Variants in CAMSAP1 observed in about 807,000 individuals in gnomAD.
CAMSAP1 encodes the protein calmodulin regulated spectrin associated protein 1.
CAMSAP1 carries 58 observed loss-of-function variants against 143.5 expected under a neutral mutation model. The observed-to-expected ratio is 0.40, with a 90% CI of 0.33 to 0.50. CAMSAP1 has a LOEUF of 0.50. CAMSAP1 is among the 20% of genes least tolerant of loss of function. CAMSAP1 has a pLI of 0.45. For synonymous variants in CAMSAP1, 945 were observed against 859.3 expected (o/e 1.10, Z -1.74); for missense variants, 1,969 against 2,115.7 (o/e 0.93, Z 1.36).
At position 135,811,362 on chromosome 9, in the gene CAMSAP1, G is replaced by A; in HGVS notation, c.4756C>T (p.Leu1586=). Residue 1586 remains leucine, a synonymous_variant, in exon 17 of 17, where the codon CTG becomes TTG. Coordinates refer to ENST00000389532, the MANE Select transcript of CAMSAP1 (RefSeq NM_015447.4). This position sits in a 1 kb window ranked among gnomAD's most constrained non-coding sequence, Gnocchi z 4.9. Reference sequence around the variant, plus strand: ...ACTGCAGGCCGCTTGGGCTGCCACAGGTGGTTGTGGATTGTGAGTGCGTCC... The same window carrying A: ...ACTGCAGGCCGCTTGGGCTGCCACAAGTGGTTGTGGATTGTGAGTGCGTCC... ...SVDALTIHNH[L]WQPKRPAVPK... 2.5e-6 allele frequency: 4 copies of A among 1,613,128 alleles called. No individual in the cohort carries two copies. The highest frequency in any genetic ancestry group is 2.5e-6 in the Non-Finnish European group (3 of 1,179,530).
Position 135,822,795 on chromosome 9 carries a change from G to A in CAMSAP1, c.1866C>T (p.Ser622=). 1 of 1,613,962 alleles carries A rather than the reference G, an allele frequency of 6.2e-7. No homozygotes were observed. Among genetic ancestry groups the A allele is most frequent in the Non-Finnish European group, 8.5e-7 (1 of 1,179,886 alleles). ...EDERGEGRPR[S]IVSRRPSEGP... The stretch of plus-strand genomic sequence containing the variant: ...CCTCGCTGGGCCTCCTAGACACGAT[G>A]CTCCTCGGTCTCCCTTCCCCCCGTT... Residue 622 remains serine, a synonymous_variant, in exon 11 of 17, where the codon AGC becomes AGT. Coordinates refer to ENST00000389532, the MANE Select transcript of CAMSAP1 (RefSeq NM_015447.4). This position sits in a 1 kb window ranked among gnomAD's most constrained non-coding sequence, Gnocchi z 6.1.
intron 7 of CAMSAP1, among the ~76,000 whole-genome samples, chr9:135,838,378 C>T (rs576485462): frequency 6.7e-6 from 1 of 150,246 alleles, no homozygotes; most frequent in African/African-American, 2.4e-5. Flanking sequence ...TGTCATCACG[C>T]ACTTTCCACC....
At chr9:135,839,974 G>C (rs1445773064) in intron 7 of CAMSAP1, among the ~76,000 whole-genome samples, 2 of 152,194 alleles carry the variant, frequency 1.3e-5, no homozygotes, top group Non-Finnish European at 1.5e-5. Flanking sequence ...GAGGTAGGCA[G>C]GTATGGAGAC....
At chr9:135,846,882 C>T (rs1281269499) in intron 7 of CAMSAP1, among the ~76,000 whole-genome samples, 1 of 152,094 alleles carries the variant, frequency 6.6e-6, no homozygotes, top group African/African-American at 2.4e-5. Context: ...CAGGCAACAA[C>T]AGATGCTAGA....
intron 4 of CAMSAP1, chr9:135,865,117 C>T (rs747964068): frequency 7.9e-5 from 44 of 560,034 alleles, no homozygotes; most frequent in Non-Finnish European, 1.3e-4. Flanking sequence ...GGAAACTGGG[C>T]GAAATGTAAC....
intron 5 of CAMSAP1, among the ~76,000 whole-genome samples, chr9:135,854,512 G>T (rs528729290): frequency 1.8e-4 from 28 of 151,600 alleles, no homozygotes; most frequent in African/African-American, 6.3e-4. Flanking sequence ...CTGTCATCTG[G>T]AGTGCAGTGG....
chr9:135,815,163 G>C lies in CAMSAP1; in HGVS notation c.4440C>G (p.His1480Gln). The C allele has an allele frequency of 6.2e-7, 1 of 1,613,936 alleles. No homozygotes were observed. The highest frequency in any genetic ancestry group is 8.5e-7 in the Non-Finnish European group (1 of 1,179,866). The change falls in exon 16 of 17, where the codon CAC becomes CAG. Residue 1480 changes from histidine to glutamine, a missense_variant. Around this residue, in one of 4 missense-constraint regions of CAMSAP1, gnomAD observed 143 missense variants for 200.6 expected, o/e 0.71. Coordinates refer to ENST00000389532, the MANE Select transcript of CAMSAP1 (RefSeq NM_015447.4). ...PSSKSNKPII[H>Q]NAISHCCLAG... is the part of the protein sequence containing the mutation. ...CCAGGCAGCAATGGGATATGGCATT[G>C]TGAATAATCGGCTTGTTTGATTTAC...
At chr9:135,814,151 C>G (rs1385564315) in intron 16 of CAMSAP1, among the ~76,000 whole-genome samples, 1 of 152,208 alleles carries the variant, frequency 6.6e-6, no homozygotes, top group African/African-American at 2.4e-5. Context: ...ATGACCATGG[C>G]CTCTTCTGTC....
chr9:135,901,525 G>A (rs1838616816), intron 1 of CAMSAP1, among the ~76,000 whole-genome samples: 1 of 152,068 alleles, frequency 6.6e-6, no homozygotes, highest in African/African-American at 2.4e-5. Context: ...GAGGTGGGAG[G>A]ATCACTTGAG....
At chr9:135,863,601 T>C (rs1837273922) in intron 4 of CAMSAP1, among the ~76,000 whole-genome samples, 1 of 152,240 alleles carries the variant, frequency 6.6e-6, no homozygotes, top group African/African-American at 2.4e-5. Context: ...CAGGTTGTTA[T>C]GTCAATAAGT....
At chr9:135,867,475 C>CCACCT (rs1491489651) in intron 3 of CAMSAP1, among the ~76,000 whole-genome samples, 11 of 145,262 alleles carry the variant, frequency 7.6e-5, no homozygotes, top group Non-Finnish European at 1.7e-4. Context: ...CAAGACCCCC[C>CCACCT]TCTTTTTTTT....
Position 135,881,707 on chromosome 9 carries a change from G to A in CAMSAP1, c.511C>T (p.Arg171Cys), listed in dbSNP as rs1186614015. 9.7e-6 allele frequency: 15 copies of A among 1,551,720 alleles called. No individual in the cohort carries two copies. The highest frequency in any genetic ancestry group is 2.0e-5 in the Admixed American group (1 of 50,972). The change falls in exon 3 of 17, where the codon CGC (arginine) becomes TGC (cysteine). Residue 171 changes from arginine to cysteine, a missense_variant. Arg to Cys is a radical substitution (Grantham distance 180, BLOSUM62 -3). Around this residue, in one of 4 missense-constraint regions of CAMSAP1, gnomAD observed 221 missense variants for 298.2 expected, o/e 0.74. Transcript: ENST00000389532. Reference sequence around the variant, plus strand: ...TTCGAGGCACTGAACGTTGAGAAGCGCTTGACACTGGCCACCACCTTCTCG... The same window carrying A: ...TTCGAGGCACTGAACGTTGAGAAGCACTTGACACTGGCCACCACCTTCTCG... ...SIEKVVASVK[R>C]FSTFSASKEL...
At position 135,883,093 on chromosome 9, in the gene CAMSAP1, G is replaced by A. The variant is rs780858949; in HGVS notation, c.161-15C>T. 29 of 1,550,992 alleles carry A rather than the reference G, an allele frequency of 1.9e-5. 1 individual carries two copies. The South Asian group carries it at 3.2e-4, about 17-fold the overall frequency. On this transcript the variant is annotated splice_polypyrimidine_tract_variant and intron_variant, in intron 1 of 16. Transcript: ENST00000389532. ...AGGGATGTTATCTAAGACAGGGAGG[G>A]GATGACCAGGTGAGTGCCACACACA... is the stretch of plus-strand genomic sequence containing the variant.
chr9:135,894,840 A>G (rs1041995749), intron 1 of CAMSAP1, among the ~76,000 whole-genome samples: 2 of 152,250 alleles, frequency 1.3e-5, no homozygotes, highest in African/African-American at 4.8e-5. Flanking sequence ...ACTATCTGAC[A>G]AGGATTTTAA....
At chr9:135,817,271 G>C (rs1835263101) in intron 14 of CAMSAP1, among the ~76,000 whole-genome samples, 1 of 152,212 alleles carries the variant, frequency 6.6e-6, no homozygotes, top group South Asian at 2.1e-4. Flanking sequence ...CAAATCGGAT[G>C]AAAGTGCTGC....
chr9:135,852,060 C>T lies in CAMSAP1; in HGVS notation c.809-1599G>A, dbSNP rs1394372897. ...TGTCCATGTCTGCCAGGCGGAGGGG[C>T]GTGAACACCTCCTTCTCAAACAGCA... On this transcript the variant is annotated intron_variant, in intron 5 of 16. Coordinates refer to ENST00000389532, the MANE Select transcript of CAMSAP1 (RefSeq NM_015447.4). 3.3e-5 allele frequency among the ~76,000 whole-genome samples: 5 copies of T among 152,208 alleles called. No individual in the cohort carries two copies. In the South Asian group the frequency reaches 6.2e-4, roughly 19 times the overall value.
At chr9:135,812,360 C>G (rs1428509717) in intron 16 of CAMSAP1, among the ~76,000 whole-genome samples, 1 of 152,118 alleles carries the variant, frequency 6.6e-6, no homozygotes, top group African/African-American at 2.4e-5. Context: ...GTCCGGTACA[C>G]ACTACACTGA....
In CAMSAP1 at chr9:135,818,547, C is replaced by T. The variant is rs1156946368; in HGVS notation, c.4029G>A (p.Glu1343=). The change falls in exon 13 of 17, where the codon GAG becomes GAA. Residue 1343 remains glutamate (E), a synonymous_variant. Coordinates refer to ENST00000389532, the MANE Select transcript of CAMSAP1 (RefSeq NM_015447.4). The surrounding 1 kb of genome is among the most constrained non-coding windows in gnomAD (Gnocchi z 7.7). ...TCTGCTGCTGCTTCCTCCGCAGGTACTCCTGCTTGATGAGCTCGCGCCGCG... is the reference window on the plus strand; with the variant it reads ...TCTGCTGCTGCTTCCTCCGCAGGTATTCCTGCTTGATGAGCTCGCGCCGCG... The part of the protein sequence containing the change: ...EKARRELIKQ[E]YLRRKQQQIL... 4 of 1,613,092 alleles carry T rather than the reference C, an allele frequency of 2.5e-6. No individual in the cohort carries two copies. Among genetic ancestry groups the T allele is most frequent in the African/African-American group, 1.3e-5 (1 of 74,946 alleles).
At chr9:135,812,514 AG>A (rs554026722) in intron 16 of CAMSAP1, among the ~76,000 whole-genome samples, 1 of 152,158 alleles carries the variant, frequency 6.6e-6, no homozygotes, top group African/African-American at 2.4e-5. Context: ...GGGAAGACTT[AG>A]GGGGGTGACT....
Sources: gnomAD v4.1 joint callset for allele counts (sites outside exome capture counted in the v4.1 genomes callset) on GRCh38, gnomAD v4.1.1 for gene constraint, gnomAD v4.1.1 regional missense constraint, Gnocchi (gnomAD v3.1) non-coding constraint, MANE v1.5 for transcripts, NCBI Gene and HGNC (gene_info 2026-07-23, HGNC 2026-07-21) for gene names.